Variants in EXOC6B observed in about 807,000 individuals in gnomAD.
EXOC6B encodes the protein SEC15 homolog B.
In EXOC6B, 54 loss-of-function variants were observed where a neutral mutation model predicts 113.5. The observed-to-expected ratio is 0.48, with a 90% CI of 0.38 to 0.60. EXOC6B has a LOEUF of 0.60. EXOC6B is among the 20% of genes least tolerant of loss of function. The pLI is 0.00. For missense variants in EXOC6B, 797 were observed against 977.5 expected (o/e 0.82, Z 2.46); for synonymous variants, 357 against 339.0 (o/e 1.05, Z -0.58).
chr2:72,326,520 T>C (rs914808524), intron 20 of EXOC6B, among the ~76,000 whole-genome samples: 1 of 152,084 alleles, frequency 6.6e-6, no homozygotes, highest in African/African-American at 2.4e-5. Context: ...TACTATGTTA[T>C]GCTTGTTAGC....
intron 20 of EXOC6B, among the ~76,000 whole-genome samples, chr2:72,305,408 A>T (rs1351439588): frequency 6.7e-6 from 1 of 149,554 alleles, no homozygotes; most frequent in Non-Finnish European, 1.5e-5. Flanking sequence ...TCCTCACCAA[A>T]TCATATTCTT....
chr2:72,494,870 C>A (rs573873192), intron 15 of EXOC6B, among the ~76,000 whole-genome samples: 1 of 152,068 alleles, frequency 6.6e-6, no homozygotes, highest in African/African-American at 2.4e-5. Flanking sequence ...TAAACCAATA[C>A]ATGAATAAAG....
chr2:72,204,549 A>G (rs1679707056), intron 20 of EXOC6B, among the ~76,000 whole-genome samples: 2 of 126,756 alleles, frequency 1.6e-5, no homozygotes, highest in South Asian at 2.2e-4. Context: ...GAAGACCAGA[A>G]GAAGAAAAAA....
intron 19 of EXOC6B, among the ~76,000 whole-genome samples, chr2:72,376,841 G>C (rs760726086): frequency 2.0e-5 from 3 of 151,948 alleles, no homozygotes; most frequent in Non-Finnish European, 4.4e-5. Context: ...GTGCTTGAGA[G>C]CGTGGAATTG....
rs937140121 is a variant in EXOC6B at position 72,405,352 on chromosome 2, C to T, written c.1981-25482G>A. 2.5e-4 allele frequency among the ~76,000 whole-genome samples: 38 copies of T among 152,262 alleles called. 1 individual carries two copies. The highest frequency in any genetic ancestry group is 9.2e-4 in the Admixed American group (14 of 15,296). ...ATTCAAATTCAGGAAATACAGAGAA[C>T]GCCACAAAGATACTCCTGGAGAGGA... is the stretch of plus-strand genomic sequence containing the variant. On this transcript the variant is annotated intron_variant, in intron 18 of 21. Transcript: ENST00000272427.
At chr2:72,441,869 T>G (rs186454246) in intron 18 of EXOC6B, among the ~76,000 whole-genome samples, 19 of 152,102 alleles carry the variant, frequency 1.2e-4, no homozygotes, top group African/African-American at 4.8e-5. Context: ...TTCCAAAAAC[T>G]GAAAAGGAAA....
intron 6 of EXOC6B, among the ~76,000 whole-genome samples, chr2:72,610,449 G>A (rs1671009297): frequency 1.3e-5 from 2 of 152,134 alleles, no homozygotes; most frequent in African/African-American, 4.8e-5. Context: ...ACATGGAAAA[G>A]AAAATGGATG....
At chr2:72,613,812 T>C (rs1339323495) in intron 6 of EXOC6B, among the ~76,000 whole-genome samples, 1 of 151,874 alleles carries the variant, frequency 6.6e-6, no homozygotes, top group Non-Finnish European at 1.5e-5. Flanking sequence ...TAGTGGCCTA[T>C]AGCTGGGGTC....
chr2:72,546,365 C>A lies in EXOC6B; in HGVS notation c.915+13088G>T, dbSNP rs114906093. On this transcript the variant is annotated intron_variant, in intron 8 of 21. Coordinates refer to ENST00000272427, the MANE Select transcript of EXOC6B (RefSeq NM_015189.3). ...TAGGGAGGCTGAGGCAGGAGAATCG[C>A]TTGAAATCAGGAGGCAGAGTGAGCC... Among the ~76,000 whole-genome samples the A allele has an allele frequency of 7.2e-3, 1,098 of 152,214 alleles. 6 individuals carry two copies. Among genetic ancestry groups the A allele is most frequent in the Non-Finnish European group, 0.013 (855 of 68,012 alleles).
chr2:72,334,074 CA>C (rs372903048), intron 20 of EXOC6B, among the ~76,000 whole-genome samples: 2,390 of 133,328 alleles, frequency 0.018, 39 homozygotes, highest in African/African-American at 0.047. Context: ...TTTAAACAGA[CA>C]AAAAAAAAAA....
intron 18 of EXOC6B, among the ~76,000 whole-genome samples, chr2:72,408,588 C>A (rs1165392333): frequency 2.0e-5 from 3 of 152,164 alleles, no homozygotes. Flanking sequence ...TGATGTTTGA[C>A]AAACCTGACA....
At chr2:72,379,104 C>T (rs1305417108) in intron 19 of EXOC6B, among the ~76,000 whole-genome samples, 1 of 152,132 alleles carries the variant, frequency 6.6e-6, no homozygotes, top group Non-Finnish European at 1.5e-5. Flanking sequence ...ATGTGGGTCT[C>T]TTCTGACTGT....
intron 17 of EXOC6B, among the ~76,000 whole-genome samples, chr2:72,472,332 G>A (rs1159679154): frequency 2.6e-5 from 4 of 152,038 alleles, no homozygotes; most frequent in African/African-American, 9.7e-5. Context: ...GAATCCACCT[G>A]GTTCTGGGCT....
At position 72,425,109 on chromosome 2, in the gene EXOC6B, T is replaced by C. The variant is rs570969278; in HGVS notation, c.1980+40051A>G. On this transcript the variant is annotated intron_variant, in intron 18 of 21. Coordinates refer to ENST00000272427, the MANE Select transcript of EXOC6B (RefSeq NM_015189.3). ...AGCATCACAATTTGAACGCAAGTTA[T>C]TCTGACTCCACATTTTGAGTTCTTA... Among the ~76,000 whole-genome samples the C allele has an allele frequency of 4.7e-4, 72 of 152,304 alleles. No homozygotes were observed. In the South Asian group the frequency reaches 0.015, roughly 31 times the overall value.
Position 72,732,944 on chromosome 2 carries a change from G to T in EXOC6B, c.327+127C>A, listed in dbSNP as rs902170690. ...TTAATTCAGATAAACATTAGGAAAA[G>T]CAACAATAATGTCCAAGTACTTCCA... On this transcript the variant is annotated intron_variant, in intron 3 of 21. Transcript: ENST00000272427. The T allele has an allele frequency of 2.6e-5, 19 of 728,784 alleles. No individual in the cohort carries two copies. In the South Asian group the frequency reaches 3.0e-4, roughly 12 times the overall value. The allele number at this position is 728,784 out of a possible 1,614,324, so 45.1% of individuals were successfully genotyped here. A position where few individuals can be genotyped will look rare whatever the true frequency, so the allele number is the denominator to read the frequency against.
At chr2:72,468,684 T>C (rs1378517179) in intron 17 of EXOC6B, among the ~76,000 whole-genome samples, 2 of 152,192 alleles carry the variant, frequency 1.3e-5, no homozygotes, top group Non-Finnish European at 2.9e-5. Flanking sequence ...GAAAAATGCA[T>C]TAGAATTTGA....
Position 72,226,518 on chromosome 2 carries a change from T to A in EXOC6B, c.2197-42331A>T, listed in dbSNP as rs1681251590. On this transcript the variant is annotated intron_variant, in intron 20 of 21. Transcript: ENST00000272427. ...GAAGGAAAGACATGAAGGAAGAAAA[T>A]AGCACCATCCACACAAGGAACTACA... 2.0e-5 allele frequency among the ~76,000 whole-genome samples: 3 copies of A among 152,118 alleles called. No homozygotes were observed. The South Asian group carries it at 6.2e-4, about 32-fold the overall frequency.
intron 19 of EXOC6B, among the ~76,000 whole-genome samples, chr2:72,347,188 A>G (rs1366493503): frequency 6.6e-6 from 1 of 152,154 alleles, no homozygotes; most frequent in African/African-American, 2.4e-5. Flanking sequence ...CAATTTCACC[A>G]TATATCTTTT....
intron 6 of EXOC6B, among the ~76,000 whole-genome samples, chr2:72,616,276 T>C (rs956404661): frequency 6.6e-6 from 1 of 151,834 alleles, no homozygotes; most frequent in African/African-American, 2.4e-5. Flanking sequence ...GAAAAAAAAA[T>C]TCTGAAATTC....
Sources: allele counts gnomAD v4.1 joint callset (sites outside exome capture counted in the v4.1 genomes callset), GRCh38; gene constraint gnomAD v4.1.1; transcripts MANE v1.5; gene names NCBI Gene and HGNC (gene_info 2026-07-23, HGNC 2026-07-21).